Variants in ENPP6 observed in about 807,000 individuals in gnomAD.
The protein encoded by ENPP6 is ectonucleotide pyrophosphatase/phosphodiesterase 6, also known as glycerophosphocholine cholinephosphodiesterase ENPP6.
A neutral mutation model predicts 42.0 loss-of-function variants in ENPP6; 32 were observed. The observed-to-expected ratio is 0.76, with a 90% CI of 0.58 to 1.02. ENPP6 has a LOEUF of 1.02. ENPP6 is among the 50% of genes least tolerant of loss of function. The pLI, the probability that ENPP6 is intolerant of heterozygous loss-of-function variation, is 0.00. For synonymous variants in ENPP6, 213 were observed against 216.0 expected, an observed-to-expected ratio of 0.99 and a Z score of 0.12; for missense variants, 552 against 566.8, an observed-to-expected ratio of 0.97 and a Z score of 0.27.
chr4:184,101,904 C>T (rs1163588786), intron 6 of ENPP6, among the ~76,000 whole-genome samples: 24 of 152,332 alleles, frequency 1.6e-4, no homozygotes, highest in South Asian at 2.1e-4. Context: ...CACACCAGGA[C>T]GCGCGGTGAG....
Position 184,155,617 on chromosome 4 carries a change from G to A in ENPP6, c.242-1884C>T, listed in dbSNP as rs535352402. Among the ~76,000 whole-genome samples, 28 of 152,300 alleles carry A rather than the reference G, an allele frequency of 1.8e-4. No homozygotes were observed. In the East Asian group the frequency reaches 3.7e-3, roughly 20 times the overall value. On this transcript the variant is annotated intron_variant, in intron 1 of 7. Coordinates refer to ENST00000296741, the MANE Select transcript of ENPP6 (RefSeq NM_153343.4). ...ATATCAGACATGGGAATAATAGGGA[G>A]AGATGCCGAGGGAGAGGGGTGGAGG...
intron 1 of ENPP6, among the ~76,000 whole-genome samples, chr4:184,177,758 A>C (rs1579651048): frequency 6.6e-6 from 1 of 152,326 alleles, no homozygotes; most frequent in African/African-American, 2.4e-5. Context: ...ATGCCTAGCA[A>C]ACCTTAGCAA....
At chr4:184,130,953 A>G (rs944846049) in intron 2 of ENPP6, among the ~76,000 whole-genome samples, 1 of 152,206 alleles carries the variant, frequency 6.6e-6, no homozygotes, top group Non-Finnish European at 1.5e-5. Flanking sequence ...CCAGTGTTCA[A>G]ATATAGTAGA....
chr4:184,176,626 C>A (rs557424675), intron 1 of ENPP6, among the ~76,000 whole-genome samples: 1 of 152,136 alleles, frequency 6.6e-6, no homozygotes, highest in Admixed American at 6.5e-5. Context: ...ACGGGGCCAC[C>A]GAGCTACGTT....
At chr4:184,131,193 C>G (rs1055155152) in intron 2 of ENPP6, among the ~76,000 whole-genome samples, 3 of 55,460 alleles carry the variant, frequency 5.4e-5, no homozygotes, top group African/African-American at 2.3e-4. Flanking sequence ...TTCTTTCTTT[C>G]TTTCTTTCTT....
intron 2 of ENPP6, among the ~76,000 whole-genome samples, chr4:184,124,904 T>C (rs376112419): frequency 1.3e-5 from 2 of 152,316 alleles, no homozygotes; most frequent in Admixed American, 1.3e-4. Context: ...CCCAGACTCC[T>C]GGACAAGTAG....
chr4:184,207,882 T>C (rs1733026084), intron 1 of ENPP6, among the ~76,000 whole-genome samples: 1 of 152,172 alleles, frequency 6.6e-6, no homozygotes, highest in Admixed American at 6.5e-5. Flanking sequence ...CCTGGGCCCC[T>C]CTCCACCGCC....
chr4:184,180,332 A>G (rs1239700351), intron 1 of ENPP6, among the ~76,000 whole-genome samples: 1 of 152,202 alleles, frequency 6.6e-6, no homozygotes, highest in African/African-American at 2.4e-5. Flanking sequence ...CCCTGAAGAG[A>G]CCATTAAAAA....
intron 2 of ENPP6, among the ~76,000 whole-genome samples, chr4:184,133,767 T>C (rs1363870354): frequency 6.6e-6 from 1 of 152,160 alleles, no homozygotes. Context: ...AACTTTATTT[T>C]AATAAATCTA....
At chr4:184,141,756 C>G (rs1736827360) in intron 2 of ENPP6, among the ~76,000 whole-genome samples, 1 of 152,084 alleles carries the variant, frequency 6.6e-6, no homozygotes, top group Non-Finnish European at 1.5e-5. Context: ...AACCCATAGG[C>G]TTTTGTGCAA....
chr4:184,137,458 T>C (rs1432412253), intron 2 of ENPP6, among the ~76,000 whole-genome samples: 1 of 152,200 alleles, frequency 6.6e-6, no homozygotes, highest in Non-Finnish European at 1.5e-5. Context: ...TCAGGCCTTG[T>C]TTTCTTATAA....
At chr4:184,167,363 C>A (rs184832595) in intron 1 of ENPP6, among the ~76,000 whole-genome samples, 1,607 of 152,306 alleles carry the variant, frequency 0.011, 25 homozygotes, top group South Asian at 0.081. Context: ...GATCCGCCCC[C>A]CTTGGCCTCC....
intron 2 of ENPP6, among the ~76,000 whole-genome samples, chr4:184,144,412 G>T (rs997560314): frequency 1.6e-4 from 25 of 152,284 alleles, no homozygotes; most frequent in African/African-American, 4.8e-4. Context: ...CTCGCAGGCG[G>T]GACGGGACAG....
At chr4:184,174,294 C>G (rs1375860206) in intron 1 of ENPP6, among the ~76,000 whole-genome samples, 1 of 151,914 alleles carries the variant, frequency 6.6e-6, no homozygotes, top group South Asian at 2.1e-4. Context: ...CCCGCCACCA[C>G]GCCTGGCTAA....
At chr4:184,215,433 A>T (rs1214556479) in intron 1 of ENPP6, among the ~76,000 whole-genome samples, 1 of 152,186 alleles carries the variant, frequency 6.6e-6, no homozygotes, top group Non-Finnish European at 1.5e-5. Flanking sequence ...CAGGTGGAAA[A>T]ATAAGTATGG....
chr4:184,110,486 A>G (rs141235708), intron 6 of ENPP6, among the ~76,000 whole-genome samples: 1 of 152,314 alleles, frequency 6.6e-6, no homozygotes, highest in Non-Finnish European at 1.5e-5. Flanking sequence ...TTTCTTCTTA[A>G]AGAGAGATCC....
chr4:184,158,695 T>C (rs1008542609), intron 1 of ENPP6, among the ~76,000 whole-genome samples: 1 of 152,212 alleles, frequency 6.6e-6, no homozygotes, highest in Non-Finnish European at 1.5e-5. Context: ...TTATCTTCTT[T>C]CTAAGTTTAG....
At position 184,151,835 on chromosome 4, in the gene ENPP6, A is replaced by G. The variant is rs17583899; in HGVS notation, c.421+1719T>C. On this transcript the variant is annotated intron_variant, in intron 2 of 7. Coordinates refer to ENST00000296741, the MANE Select transcript of ENPP6 (RefSeq NM_153343.4). ...ACTCACCCCTGGATTTGGCTCCTCT[A>G]GCAAGCCTGATGAGCCTGCTCCGTG... Among the ~76,000 whole-genome samples the G allele has an allele frequency of 9.6e-3, 1,462 of 152,340 alleles. 12 individuals carry two copies. Among genetic ancestry groups the G allele is most frequent in the Middle Eastern group, 0.02 (6 of 294 alleles).
chr4:184,214,704 C>T (rs972808837), intron 1 of ENPP6, among the ~76,000 whole-genome samples: 2 of 152,152 alleles, frequency 1.3e-5, no homozygotes, highest in Non-Finnish European at 2.9e-5. Flanking sequence ...AGCTAGAAGC[C>T]ATCATTTTCA....
Sources: allele counts gnomAD v4.1 joint callset (sites outside exome capture counted in the v4.1 genomes callset), GRCh38; gene constraint gnomAD v4.1.1; transcripts MANE v1.5; gene names NCBI Gene and HGNC (gene_info 2026-07-23, HGNC 2026-07-21).